Variants in NPR3 observed in about 807,000 individuals in gnomAD.
NPR3 encodes atrial natriuretic peptide receptor 3.
NPR3 carries 34 observed loss-of-function variants against 54.5 expected under a neutral mutation model. The observed-to-expected ratio is 0.62, with a 90% CI of 0.47 to 0.83. The LOEUF (loss-of-function observed/expected upper bound fraction) is 0.83. Among genes scored for constraint, NPR3 ranks in the 40% least tolerant of loss-of-function variants. The pLI is 0.00. For synonymous variants in NPR3, 289 were observed against 297.1 expected (o/e 0.97, Z 0.28); for missense variants, 674 against 720.8 (o/e 0.94, Z 0.74).
rs144480522 is a variant in NPR3, at chr5:32,731,960, G to A, written c.893-6904G>A. Among the ~76,000 whole-genome samples, 493 of 152,106 alleles carry A rather than the reference G, an allele frequency of 3.2e-3. 2 individuals are homozygous for A. The highest frequency in any genetic ancestry group is 0.011 in the African/African-American group (476 of 41,442). ...ATCTTAGTGCATAAAATCCATTCTC[G>A]GCCGGGCGCGGTGGCTCACGCCTGT... On this transcript the variant is annotated intron_variant, in intron 2 of 7. Coordinates refer to ENST00000265074, the MANE Select transcript of NPR3 (RefSeq NM_001204375.2).
intron 6 of NPR3, chr5:32,783,267 A>T (rs1284773959): frequency 4.9e-6 from 2 of 405,800 alleles, no homozygotes; most frequent in Non-Finnish European, 8.7e-6. Context: ...TCTTACTATA[A>T]TCTCTTGGCT....
In NPR3 at chr5:32,711,684, C is replaced by G; in HGVS notation, c.-93C>G. On this transcript the variant is annotated 5_prime_UTR_variant, in exon 1 of 8. Transcript: ENST00000265074. ...AAAGCGCCCAAGGGGGCGCAGGGAC[C>G]TTGGAGAGAAGAGTGGGGAGGAAAG... The G allele has an allele frequency of 7.4e-7, 1 of 1,351,402 alleles. No homozygotes were observed. Among genetic ancestry groups the G allele is most frequent in the Non-Finnish European group, 9.5e-7 (1 of 1,056,614 alleles). The allele number at this position is 1,351,402 out of a possible 1,614,324, so 83.7% of individuals were successfully genotyped here. A position where few individuals can be genotyped will look rare whatever the true frequency, so the allele number is the denominator to read the frequency against.
chr5:32,751,452 T>G (rs1369826363), intron 3 of NPR3, among the ~76,000 whole-genome samples: 3 of 152,338 alleles, frequency 2.0e-5, no homozygotes, highest in Non-Finnish European at 4.4e-5. Flanking sequence ...GTCCTGACTG[T>G]GGCCAAGCCT....
At chr5:32,709,077 TGC>T (rs1440093646), upstream of NPR3, among the ~76,000 whole-genome samples, 3 of 152,130 alleles carry the variant, frequency 2.0e-5, no homozygotes, top group Non-Finnish European at 2.9e-5. Flanking sequence ...CGCACTGCCC[TGC>T]TGTTGAACTG....
chr5:32,714,819 G>A (rs1230188782), intron 1 of NPR3, among the ~76,000 whole-genome samples: 2 of 152,148 alleles, frequency 1.3e-5, no homozygotes, highest in South Asian at 2.1e-4. Flanking sequence ...AGCACTTAAT[G>A]TATTAAATAG....
At chr5:32,776,111 G>A (rs1742032245) in intron 4 of NPR3, among the ~76,000 whole-genome samples, 1 of 152,162 alleles carries the variant, frequency 6.6e-6, no homozygotes, top group African/African-American at 2.4e-5. Flanking sequence ...CCTTCTGCCA[G>A]CACATATGCA....
upstream of NPR3, chr5:32,710,618 G>C (rs1395742159): frequency 1.0e-5 from 15 of 1,428,682 alleles, no homozygotes; most frequent in Non-Finnish European, 1.4e-5. Context: ...TGAGGAAGGC[G>C]GGGTGTAGGT....
upstream of NPR3, chr5:32,709,602 G>T (rs945688815): frequency 1.3e-5 from 2 of 151,934 alleles, no homozygotes; most frequent in Admixed American, 6.6e-5. Flanking sequence ...GGAAATTCTC[G>T]CAGGAATTAG....
rs180938010 is a variant in NPR3, at chr5:32,779,341, G to A, written c.1196-1381G>A. On this transcript the variant is annotated intron_variant, in intron 4 of 7. Transcript: ENST00000265074. ...GTTAATTAAAATGGGGCTGATGTAC[G>A]CATTCTCTTATTTAGTGAATGAAAA... Among the ~76,000 whole-genome samples, 28 of 152,296 alleles carry A rather than the reference G, an allele frequency of 1.8e-4. No individual in the cohort carries two copies. The East Asian group carries it at 2.3e-3, about 13-fold the overall frequency.
chr5:32,726,794 C>G (rs767674656), intron 2 of NPR3, among the ~76,000 whole-genome samples: 6 of 152,156 alleles, frequency 3.9e-5, no homozygotes, highest in Non-Finnish European at 8.8e-5. Context: ...TACCATAATT[C>G]TGCCACACAG....
chr5:32,784,994 C>T (rs918990163), intron 7 of NPR3, 111 bp downstream of exon 7: 11 of 889,370 alleles, frequency 1.2e-5, no homozygotes, highest in South Asian at 3.0e-5. Flanking sequence ...CCAGGAAGCA[C>T]GGTGGTTAAA....
In NPR3 at chr5:32,712,066, C is replaced by T. The variant is rs780020694; in HGVS notation, c.290C>T (p.Thr97Ile). ...GGGAGGCGGCTTCTGCCGCCGGGCA[C>T]TCGCTTCCAGGTGGCTTACGAGGAT... Reference protein sequence around the residue: ...GTGRRLLPPGTRFQVAYEDSD... With the variant: ...GTGRRLLPPGIRFQVAYEDSD... Residue 97 changes from threonine to isoleucine, a missense_variant, in exon 1 of 8, where the codon ACT (threonine) becomes ATT (isoleucine). Thr to Ile is a moderately conservative substitution (Grantham distance 89). Coordinates refer to ENST00000265074, the MANE Select transcript of NPR3 (RefSeq NM_001204375.2). 8.1e-6 allele frequency: 13 copies of T among 1,613,880 alleles called. No individual in the cohort carries two copies. The highest frequency in any genetic ancestry group is 1.1e-5 in the Non-Finnish European group (13 of 1,179,818).
chr5:32,774,562 G>A (rs1049664085), intron 3 of NPR3, 146 bp from the exon 4 acceptor site: 14 of 675,230 alleles, frequency 2.1e-5, no homozygotes, highest in South Asian at 3.6e-5. Flanking sequence ...AAGTCATGGC[G>A]TGATTCTTGT....
chr5:32,718,464 A>C (rs554809517), intron 1 of NPR3, among the ~76,000 whole-genome samples: 1 of 152,304 alleles, frequency 6.6e-6, no homozygotes, highest in South Asian at 2.1e-4. Flanking sequence ...GATTCTTCCT[A>C]TCCATGAGCA....
intron 2 of NPR3, among the ~76,000 whole-genome samples, chr5:32,734,879 C>T (rs1418846729): frequency 6.6e-6 from 1 of 152,220 alleles, no homozygotes; most frequent in Non-Finnish European, 1.5e-5. Flanking sequence ...TTGTTGCCAT[C>T]CATCCCTTTC....
intron 1 of NPR3, among the ~76,000 whole-genome samples, chr5:32,723,876 C>T (rs1738997100): frequency 6.6e-6 from 1 of 151,840 alleles, no homozygotes; most frequent in African/African-American, 2.4e-5. Flanking sequence ...CTCTCACCTC[C>T]TCTCCTCTCC....
In NPR3 at chr5:32,731,204, C is replaced by T. The variant is rs565043398; in HGVS notation, c.892+6384C>T. On this transcript the variant is annotated intron_variant, in intron 2 of 7. Coordinates refer to ENST00000265074, the MANE Select transcript of NPR3 (RefSeq NM_001204375.2). ...TTCCTTTCCTATGAGTTTAATTTTT[C>T]TGCTTCTTGAAAATTCTACTACACA... Among the ~76,000 whole-genome samples, 54 of 152,246 alleles carry T rather than the reference C, an allele frequency of 3.5e-4. No homozygotes were observed. The South Asian group carries it at 0.011, about 32-fold the overall frequency.
chr5:32,732,468 G>A (rs1206964646), intron 2 of NPR3, among the ~76,000 whole-genome samples: 3 of 152,068 alleles, frequency 2.0e-5, no homozygotes. Flanking sequence ...TAGTGACAGG[G>A]GATATCAGGG....
chr5:32,781,948 C>T (rs924165106), intron 5 of NPR3, among the ~76,000 whole-genome samples: 1 of 152,186 alleles, frequency 6.6e-6, no homozygotes, highest in Admixed American at 6.5e-5. Flanking sequence ...TGTCACCAGC[C>T]ACTCGAGAGC....
Sources: gnomAD v4.1 joint callset for allele counts (sites outside exome capture counted in the v4.1 genomes callset) on GRCh38, gnomAD v4.1.1 for gene constraint, MANE v1.5 for transcripts, NCBI Gene and HGNC (gene_info 2026-07-23, HGNC 2026-07-21) for gene names.